Variants in IMMP2L observed in about 807,000 individuals in gnomAD.
IMMP2L encodes the protein mitochondrial inner membrane protease subunit 2.
A neutral mutation model predicts 19.3 loss-of-function variants in IMMP2L; 18 were observed. That is an observed-to-expected ratio of 0.93 (90% CI 0.64 to 1.38). The LOEUF is 1.38. IMMP2L is among the 40% of genes most tolerant of loss of function. The pLI, the probability that IMMP2L is intolerant of heterozygous loss-of-function variation, is 0.00. For missense variants in IMMP2L, 233 were observed against 218.2 expected (o/e 1.07, Z -0.43); for synonymous variants, 76 against 73.0 (o/e 1.04, Z -0.21).
intron 4 of IMMP2L, among the ~76,000 whole-genome samples, chr7:110,916,182 G>T (rs1044940137): frequency 3.3e-5 from 5 of 152,178 alleles, no homozygotes; most frequent in African/African-American, 1.2e-4. Context: ...GAAAGTAACA[G>T]GACACTGCAG....
chr7:111,345,849 C>T (rs1443466312), intron 3 of IMMP2L, among the ~76,000 whole-genome samples: 2 of 152,132 alleles, frequency 1.3e-5, no homozygotes. Context: ...GAAAAACCTA[C>T]CTAAACTCTT....
At position 111,402,890 on chromosome 7, in the gene IMMP2L, T is replaced by G. The variant is rs186050159; in HGVS notation, c.239+84348A>C. Reference sequence around the variant, plus strand: ...CACGAACACATTATATATATTTATGTCTATTTACATCTATTCTTTCTTTTC... The same window carrying G: ...CACGAACACATTATATATATTTATGGCTATTTACATCTATTCTTTCTTTTC... On this transcript the variant is annotated intron_variant, in intron 3 of 5. Coordinates refer to ENST00000405709, the MANE Select transcript of IMMP2L (RefSeq NM_032549.4). Among the ~76,000 whole-genome samples, 4 of 151,910 alleles carry G rather than the reference T, an allele frequency of 2.6e-5. No homozygotes were observed. In the South Asian group the frequency reaches 6.2e-4, roughly 24 times the overall value.
intron 5 of IMMP2L, among the ~76,000 whole-genome samples, chr7:110,832,672 C>T (rs1804076774): frequency 6.6e-6 from 1 of 152,048 alleles, no homozygotes; most frequent in South Asian, 2.1e-4. Flanking sequence ...GCATTTTGCA[C>T]ATAGTGATAA....
intron 2 of IMMP2L, among the ~76,000 whole-genome samples, chr7:111,500,080 C>G (rs1262837987): frequency 6.6e-6 from 1 of 152,064 alleles, no homozygotes; most frequent in Non-Finnish European, 1.5e-5. Flanking sequence ...ACAGATGGCA[C>G]CTGGAAAATC....
At chr7:111,535,606 C>T (rs1347593842) in intron 1 of IMMP2L, among the ~76,000 whole-genome samples, 1 of 151,984 alleles carries the variant, frequency 6.6e-6, no homozygotes, top group Non-Finnish European at 1.5e-5. Context: ...CTTTAGGACA[C>T]AGTTATTTAA....
At chr7:110,671,897 C>T (rs1262787657) in intron 5 of IMMP2L, among the ~76,000 whole-genome samples, 1 of 152,048 alleles carries the variant, frequency 6.6e-6, no homozygotes, top group Non-Finnish European at 1.5e-5. Context: ...AAAAGATGTT[C>T]AGGCACTTCT....
At chr7:110,810,619 A>G (rs1220255872) in intron 5 of IMMP2L, among the ~76,000 whole-genome samples, 1 of 152,046 alleles carries the variant, frequency 6.6e-6, no homozygotes, top group East Asian at 1.9e-4. Flanking sequence ...AGTAGGATAT[A>G]AATAACTCCC....
At chr7:111,446,232 G>C (rs1838392908) in intron 3 of IMMP2L, among the ~76,000 whole-genome samples, 1 of 152,124 alleles carries the variant, frequency 6.6e-6, no homozygotes, top group African/African-American at 2.4e-5. Context: ...GCCTGCCTCT[G>C]TAGGCTCCAC....
intron 3 of IMMP2L, among the ~76,000 whole-genome samples, chr7:111,049,148 T>TG (rs1279812796): frequency 1.0e-5 from 1 of 99,696 alleles, no homozygotes; most frequent in African/African-American, 3.8e-5. Flanking sequence ...TTTTTTTTTT[T>TG]GGGACGGAGT....
intron 3 of IMMP2L, among the ~76,000 whole-genome samples, chr7:111,050,531 T>C (rs938630215): frequency 2.6e-5 from 4 of 152,246 alleles, no homozygotes; most frequent in African/African-American, 9.6e-5. Context: ...TAATGTTAAA[T>C]GGTCTTGTTT....
rs1455323149 is a variant in IMMP2L at position 111,336,077 on chromosome 7, T to C, written c.239+151161A>G. Reference sequence around the variant, plus strand: ...GTTTTTGTTGTTGTTTGAGAAGGGATCTCACTGTGTCATCCAGGCTGGAGG... The same window carrying C: ...GTTTTTGTTGTTGTTTGAGAAGGGACCTCACTGTGTCATCCAGGCTGGAGG... On this transcript the variant is annotated intron_variant, in intron 3 of 5. Coordinates refer to ENST00000405709, the MANE Select transcript of IMMP2L (RefSeq NM_032549.4). 2.0e-5 allele frequency among the ~76,000 whole-genome samples: 3 copies of C among 152,076 alleles called. 1 individual carries two copies. The highest frequency in any genetic ancestry group is 7.2e-5 in the African/African-American group (3 of 41,422).
chr7:111,383,834 T>C (rs1223818867), intron 3 of IMMP2L, among the ~76,000 whole-genome samples: 1 of 152,116 alleles, frequency 6.6e-6, no homozygotes, highest in Admixed American at 6.6e-5. Flanking sequence ...CACTTTTATA[T>C]GTTCAAGCCC....
At chr7:111,469,524 A>G (rs1417798317) in intron 3 of IMMP2L, among the ~76,000 whole-genome samples, 1 of 152,004 alleles carries the variant, frequency 6.6e-6, no homozygotes, top group Non-Finnish European at 1.5e-5. Context: ...GCAATTGTGA[A>G]TGGGAGTTCA....
At chr7:111,385,054 G>C (rs1831597429) in intron 3 of IMMP2L, among the ~76,000 whole-genome samples, 1 of 152,066 alleles carries the variant, frequency 6.6e-6, no homozygotes, top group African/African-American at 2.4e-5. Context: ...CAATGCACTG[G>C]GATTTCAGCA....
intron 3 of IMMP2L, among the ~76,000 whole-genome samples, chr7:111,333,264 G>T (rs1181152121): frequency 6.6e-6 from 1 of 152,098 alleles, no homozygotes; most frequent in Non-Finnish European, 1.5e-5. Flanking sequence ...GTTTGTGCAT[G>T]TATATATTTG....
chr7:111,444,103 G>C (rs945943904), intron 3 of IMMP2L, among the ~76,000 whole-genome samples: 2 of 152,062 alleles, frequency 1.3e-5, no homozygotes, highest in African/African-American at 2.4e-5. Flanking sequence ...TTTGTCACTT[G>C]AGAGAAATAA....
intron 3 of IMMP2L, among the ~76,000 whole-genome samples, chr7:111,142,351 AGAAAG>A: frequency 1.9e-4 from 1 of 5,364 alleles, no homozygotes; most frequent in Admixed American, 2.6e-3. Context: ...AAAGAAAGAA[AGAAAG>A]AAAGAAAGAA....
chr7:111,196,991 C>T (rs1809570928), intron 3 of IMMP2L, among the ~76,000 whole-genome samples: 1 of 152,104 alleles, frequency 6.6e-6, no homozygotes, highest in Non-Finnish European at 1.5e-5. Flanking sequence ...TCCAGTTTTT[C>T]GTTTATGAAG....
chr7:110,783,485 T>C (rs539040715), intron 5 of IMMP2L, among the ~76,000 whole-genome samples: 5 of 151,990 alleles, frequency 3.3e-5, no homozygotes, highest in African/African-American at 1.2e-4. Flanking sequence ...TTATCAAATG[T>C]TCACATGTTG....
Sources: gnomAD v4.1 joint callset for allele counts (sites outside exome capture counted in the v4.1 genomes callset) on GRCh38, gnomAD v4.1.1 for gene constraint, MANE v1.5 for transcripts, NCBI Gene and HGNC (gene_info 2026-07-23, HGNC 2026-07-21) for gene names.